ST6GAL1: variants seen among roughly 807,000 people sequenced by gnomAD.
The protein encoded by ST6GAL1 is beta-galactoside alpha-2,6-sialyltransferase 1.
ST6GAL1 carries 20 observed loss-of-function variants against 38.0 expected under a neutral mutation model. The observed-to-expected ratio is 0.53, with a 90% CI of 0.37 to 0.77. The LOEUF (loss-of-function observed/expected upper bound fraction) is 0.77. Ranked by LOEUF, ST6GAL1 falls within the 30% of genes least tolerant of loss-of-function variation. The probability of loss-of-function intolerance (pLI) is 0.00; values close to 1 mark genes in which losing one functional copy is unlikely to be tolerated. For synonymous variants in ST6GAL1, 196 were observed against 188.2 expected (o/e 1.04, Z -0.34); for missense variants, 432 against 496.4 (o/e 0.87, Z 1.23).
intron 4 of ST6GAL1, among the ~76,000 whole-genome samples, chr3:187,045,274 A>T (rs1171511403): frequency 6.6e-6 from 1 of 151,120 alleles, no homozygotes; most frequent in East Asian, 1.9e-4. Context: ...AGACACGAGT[A>T]AGAGACATTT....
At chr3:186,931,963 A>G (rs1190751063) in intron 1 of ST6GAL1, among the ~76,000 whole-genome samples, 2 of 152,256 alleles carry the variant, frequency 1.3e-5, no homozygotes. Context: ...TTAATCGGAC[A>G]CGATCTGCAG....
chr3:186,959,269 C>T (rs531646802), intron 1 of ST6GAL1, among the ~76,000 whole-genome samples: 2 of 152,292 alleles, frequency 1.3e-5, no homozygotes, highest in African/African-American at 4.8e-5. Flanking sequence ...AGTTTCAGCT[C>T]TTTGCTGGAA....
chr3:187,077,145 T>C lies in ST6GAL1; in HGVS notation c.*1342T>C, dbSNP rs1719592001. On this transcript the variant is annotated 3_prime_UTR_variant, in exon 8 of 8. Transcript: ENST00000169298. ...GAGATCAGAACTGATTCTCACCAGG[T>C]GTGAGAGGTGTGGTAGCAGATTGCA... The C allele has an allele frequency of 5.0e-6, 2 of 397,076 alleles. No homozygotes were observed. Among genetic ancestry groups the C allele is most frequent in the African/African-American group, 2.1e-5 (1 of 48,574 alleles). 24.6% of individuals were successfully genotyped at this position (397,076 alleles called of 1,614,324 possible).
chr3:187,026,708 A>AT (rs1399373968), intron 2 of ST6GAL1, among the ~76,000 whole-genome samples: 2 of 152,002 alleles, frequency 1.3e-5, no homozygotes, highest in Non-Finnish European at 2.9e-5. Flanking sequence ...GAAGAACCAA[A>AT]TTTTTTTTCC....
chr3:187,065,788 G>A (rs557506642), intron 5 of ST6GAL1, among the ~76,000 whole-genome samples: 1 of 152,304 alleles, frequency 6.6e-6, no homozygotes, highest in Non-Finnish European at 1.5e-5. Flanking sequence ...TGAAATAATA[G>A]TTGATGCCAT....
rs373222148 is a variant in ST6GAL1 at position 186,952,607 on chromosome 3, C to T, written c.-324-11178C>T. On this transcript the variant is annotated intron_variant, in intron 1 of 7. Transcript: ENST00000169298. The surrounding 1 kb of genome is among the most constrained non-coding windows in gnomAD (Gnocchi z 4.1). ...GCAACCTCCGCCTCCCGGGTTCAAG[C>T]GCTTCTCTGTTGGCTCATTTTCACT... is the stretch of plus-strand genomic sequence containing the variant. 2.5e-4 allele frequency among the ~76,000 whole-genome samples: 38 copies of T among 152,194 alleles called. No individual in the cohort carries two copies. Among genetic ancestry groups the T allele is most frequent in the Non-Finnish European group, 4.7e-4 (32 of 67,988 alleles).
intron 2 of ST6GAL1, among the ~76,000 whole-genome samples, chr3:186,985,434 A>G (rs1234685970): frequency 1.3e-5 from 2 of 151,732 alleles, no homozygotes; most frequent in African/African-American, 4.8e-5. Context: ...TTTTTTTTAA[A>G]GTGAGTAAGC....
intron 1 of ST6GAL1, among the ~76,000 whole-genome samples, chr3:186,947,751 C>G (rs3852060): frequency 0.14 from 21,722 of 152,146 alleles, 1,711 homozygotes; most frequent in South Asian, 0.24. Context: ...ATAATTGTGC[C>G]ACTGCCTAGC....
At chr3:187,052,942 C>T (rs147457338) in intron 5 of ST6GAL1, among the ~76,000 whole-genome samples, 1,885 of 152,298 alleles carry the variant, frequency 0.012, 40 homozygotes, top group African/African-American at 0.043. Flanking sequence ...TGTTTCTCCA[C>T]ATCCTCTCCA....
chr3:186,984,154 T>G (rs1715785138), intron 2 of ST6GAL1, among the ~76,000 whole-genome samples: 1 of 152,118 alleles, frequency 6.6e-6, no homozygotes, highest in Admixed American at 6.6e-5. Flanking sequence ...TCTCTCACAC[T>G]CACATCTAAA....
At chr3:187,011,842 A>G (rs1716964285) in intron 2 of ST6GAL1, among the ~76,000 whole-genome samples, 1 of 152,184 alleles carries the variant, frequency 6.6e-6, no homozygotes, top group Admixed American at 6.5e-5. Context: ...CATCTTAGGG[A>G]ACTAATTCAA....
rs183714970 is a variant in ST6GAL1 at position 187,008,329 on chromosome 3, G to C, written c.-182-30413G>C. Among the ~76,000 whole-genome samples, 495 of 150,364 alleles carry C rather than the reference G, an allele frequency of 3.3e-3. 3 individuals carry two copies. The highest frequency in any genetic ancestry group is 0.012 in the African/African-American group (472 of 40,884). The stretch of plus-strand genomic sequence containing the variant: ...AAGGGAAGGAAGAAAAGAGAAGAAA[G>C]GAAGGACTCAAGAAAGAGAGAAAGA... On this transcript the variant is annotated intron_variant, in intron 2 of 7. Coordinates refer to ENST00000169298, the MANE Select transcript of ST6GAL1 (RefSeq NM_173216.2).
rs886513929 is a variant in ST6GAL1, at chr3:187,076,715, A to T, written c.*912A>T. 7.5e-6 allele frequency: 3 copies of T among 397,716 alleles called. No individual in the cohort carries two copies. The highest frequency in any genetic ancestry group is 4.4e-5 in the Admixed American group (1 of 22,716). 24.6% of individuals were successfully genotyped at this position (397,716 alleles called of 1,614,324 possible). A position where few individuals can be genotyped will look rare whatever the true frequency, so the allele number is the denominator to read the frequency against. ...AGCAGATTACATCTGAGCCGTTTGAATTGTGTTTTTCTTTCTTCCCATGTT... is the reference window on the plus strand; with the variant it reads ...AGCAGATTACATCTGAGCCGTTTGATTTGTGTTTTTCTTTCTTCCCATGTT... On this transcript the variant is annotated 3_prime_UTR_variant, in exon 8 of 8. Transcript: ENST00000169298.
Position 186,934,793 on chromosome 3 carries a change from G to C in ST6GAL1, c.-325+3959G>C, listed in dbSNP as rs540154694. On this transcript the variant is annotated intron_variant, in intron 1 of 7. Coordinates refer to ENST00000169298, the MANE Select transcript of ST6GAL1 (RefSeq NM_173216.2). Reference sequence around the variant, plus strand: ...TTATTTATTTATTTTTTCAGATGGCGTCTCGCTCTGTCACCCAGGCTGGAG... The same window carrying C: ...TTATTTATTTATTTTTTCAGATGGCCTCTCGCTCTGTCACCCAGGCTGGAG... 1.1e-3 allele frequency among the ~76,000 whole-genome samples: 163 copies of C among 150,594 alleles called. 1 individual carries two copies. The highest frequency in any genetic ancestry group is 1.9e-3 in the Non-Finnish European group (131 of 67,744).
intron 5 of ST6GAL1, among the ~76,000 whole-genome samples, chr3:187,052,716 G>T (rs948086893): frequency 1.3e-5 from 2 of 152,132 alleles, no homozygotes; most frequent in Non-Finnish European, 2.9e-5. Flanking sequence ...CTTTGGGTTG[G>T]TTCCAAGTCT....
At chr3:187,013,785 A>G (rs570242305) in intron 2 of ST6GAL1, among the ~76,000 whole-genome samples, 1 of 152,054 alleles carries the variant, frequency 6.6e-6, no homozygotes, top group African/African-American at 2.4e-5. Context: ...GGGTTTGACC[A>G]TGTTGGCCAG....
At chr3:186,931,926 C>A (rs1032691890) in intron 1 of ST6GAL1, among the ~76,000 whole-genome samples, 1 of 152,252 alleles carries the variant, frequency 6.6e-6, no homozygotes, top group African/African-American at 2.4e-5. Context: ...TCTTTGCTTA[C>A]ATATGCTCAG....
intron 4 of ST6GAL1, among the ~76,000 whole-genome samples, chr3:187,050,560 GGGAGGGAGGGAAGGAA>G (rs1313520821): frequency 1.3e-5 from 2 of 149,586 alleles, no homozygotes; most frequent in Non-Finnish European, 3.0e-5. Flanking sequence ...GAGAGAGAGA[GGGAGGGAGGGAAGGAA>G]GGAGGGAGGG....
chr3:187,058,995 G>C (rs1718817452), intron 5 of ST6GAL1, among the ~76,000 whole-genome samples: 2 of 152,156 alleles, frequency 1.3e-5, no homozygotes, highest in African/African-American at 4.8e-5. Context: ...TGGCTAGCAA[G>C]AAGCTCTCTG....
Sources: gnomAD v4.1 joint callset for allele counts (sites outside exome capture counted in the v4.1 genomes callset) on GRCh38, gnomAD v4.1.1 for gene constraint, Gnocchi (gnomAD v3.1) non-coding constraint, MANE v1.5 for transcripts, NCBI Gene and HGNC (gene_info 2026-07-23, HGNC 2026-07-21) for gene names.